Variants in LZIC observed in about 807,000 individuals in gnomAD.
The protein encoded by LZIC is leucine zipper and CTNNBIP1 domain containing.
In LZIC, 28 loss-of-function variants were observed where a neutral mutation model predicts 25.4. The ratio of observed to expected loss-of-function variants is 1.10; its 90% CI spans 0.82 to 1.51. LZIC has a LOEUF of 1.51. Among genes scored for constraint, LZIC ranks in the 40% most tolerant of loss-of-function variants. The pLI is 0.00. For missense variants in LZIC, 170 were observed against 211.1 expected (o/e 0.81, Z 1.21); for synonymous variants, 65 against 70.7 (o/e 0.92, Z 0.40).
intron 6 of LZIC, chr1:9,932,321 G>T (rs1570633961): frequency 5.8e-6 from 1 of 173,120 alleles, no homozygotes; most frequent in East Asian, 1.6e-4. Flanking sequence ...CTCCAGCCTG[G>T]ACAGCAAGGG....
At position 9,929,330 on chromosome 1, in the gene LZIC, T is replaced by C. The variant is rs1640116442; in HGVS notation, c.*1069A>G. On this transcript the variant is annotated 3_prime_UTR_variant, in exon 8 of 8. Transcript: ENST00000377223. ...GTATAAAGTGCAAAGAAAAAGAATA[T>C]TGAGAAGCACATGAAAGAATATAAA... is the stretch of plus-strand genomic sequence containing the variant. 3.0e-6 allele frequency: 3 copies of C among 984,894 alleles called. No individual in the cohort carries two copies. The highest frequency in any genetic ancestry group is 4.7e-5 in the South Asian group (1 of 21,282). The allele number at this position is 984,894 out of a possible 1,614,324, so 61.0% of individuals were successfully genotyped here.
chr1:9,933,254 CAAAAAAAAAAAA>C (rs60791463), intron 5 of LZIC, among the ~76,000 whole-genome samples: 4 of 43,374 alleles, frequency 9.2e-5, no homozygotes, highest in Non-Finnish European at 1.2e-4. Flanking sequence ...GACTCCACCA[CAAAAAAAAAAAA>C]AAAAAAAAAA....
rs535657417 is a variant in LZIC, at chr1:9,930,157, AAC to A, written c.*240_*241del. The stretch of plus-strand genomic sequence containing the variant: ...TCTCTTAAACAGACAAATCATAACG[AAC>A]AGAGTCCAGTGAGTCCCTCTGTCGC... On this transcript the variant is annotated 3_prime_UTR_variant, in exon 8 of 8. Transcript: ENST00000377223. 1 of 1,270,644 alleles carries A rather than the reference AAC, an allele frequency of 7.9e-7. No individual in the cohort carries two copies. Among genetic ancestry groups the A allele is most frequent in the Non-Finnish European group, 1.0e-6 (1 of 1,002,598 alleles). The allele number at this position is 1,270,644 out of a possible 1,614,324, so 78.7% of individuals were successfully genotyped here. A position where few individuals can be genotyped will look rare whatever the true frequency, so the allele number is the denominator to read the frequency against.
Position 9,937,001 on chromosome 1 carries a change from C to T in LZIC, c.-8-374G>A, listed in dbSNP as rs945774368. Among the ~76,000 whole-genome samples, 10 of 152,126 alleles carry T rather than the reference C, an allele frequency of 6.6e-5. No homozygotes were observed. The East Asian group carries it at 1.5e-3, about 24-fold the overall frequency. On this transcript the variant is annotated intron_variant, in intron 2 of 7. Transcript: ENST00000377223. Reference sequence around the variant, plus strand: ...AAAAAAGGCCGGATGTGGTGGCTCACGCCTGTAACCCCAGCACTTTTGGAA... The same window carrying T: ...AAAAAAGGCCGGATGTGGTGGCTCATGCCTGTAACCCCAGCACTTTTGGAA...
downstream of LZIC, among the ~76,000 whole-genome samples, chr1:9,926,222 T>C (rs1639979744): frequency 6.6e-6 from 1 of 152,106 alleles, no homozygotes; most frequent in Non-Finnish European, 1.5e-5. Flanking sequence ...GGAAAACATT[T>C]TGGAAGGCAA....
intron 5 of LZIC, 127 bp from the exon 6 acceptor site, chr1:9,933,025 C>T (rs894778168): frequency 4.2e-5 from 25 of 592,354 alleles, no homozygotes; most frequent in East Asian, 1.8e-4. Context: ...GATCACGAGG[C>T]GGGCGGATCA....
At chr1:9,931,744 C>T in intron 7 of LZIC, 147 bp downstream of exon 7, 1 of 524,858 alleles carries the variant, frequency 1.9e-6, no homozygotes, top group Non-Finnish European at 3.4e-6. Flanking sequence ...AAAACCAATA[C>T]AATGGATTTA....
chr1:9,923,523 T>C (rs1419825980), downstream of LZIC, among the ~76,000 whole-genome samples: 3 of 140,082 alleles, frequency 2.1e-5, no homozygotes, highest in African/African-American at 8.3e-5. Flanking sequence ...TGCTTCTTTT[T>C]TTTTTTTTTT....
Position 9,932,868 on chromosome 1 carries a change from C to A in LZIC, c.367G>T (p.Glu123Ter). The A allele has an allele frequency of 6.2e-7, 1 of 1,612,682 alleles. No homozygotes were observed. Among genetic ancestry groups the A allele is most frequent in the Non-Finnish European group, 8.5e-7 (1 of 1,178,936 alleles). The part of the protein sequence containing the change: ...MDRDLMVGKL[E>*]RDLYTQQKVE... ...TTCTGTTGAGTGTACAGGTCTCTTTCCAGCTTTCCTACCATCAGATCTCTA... is the reference window on the plus strand; with the variant it reads ...TTCTGTTGAGTGTACAGGTCTCTTTACAGCTTTCCTACCATCAGATCTCTA... Residue 123 changes from glutamate (E) to a stop codon, truncating the protein, a stop_gained, in exon 6 of 8, where the codon GAA becomes TAA. Transcript: ENST00000377223. LOFTEE classifies it high-confidence loss of function.
chr1:9,940,806 T>TTATA (rs1640691108), intron 2 of LZIC, among the ~76,000 whole-genome samples: 1 of 152,188 alleles, frequency 6.6e-6, no homozygotes, highest in African/African-American at 2.4e-5. Context: ...TAAACAAGTA[T>TTATA]TATACCCAGA....
chr1:9,939,373 CTTTTT>C (rs371491173), intron 2 of LZIC, among the ~76,000 whole-genome samples: 2 of 133,414 alleles, frequency 1.5e-5, no homozygotes, highest in African/African-American at 2.7e-5. Flanking sequence ...TTTTTTTTTT[CTTTTT>C]TTTTTGACAC....
At position 9,929,712 on chromosome 1, in the gene LZIC, G is replaced by A. The variant is rs1307032337; in HGVS notation, c.*687C>T. 3.0e-6 allele frequency: 3 copies of A among 985,290 alleles called. No homozygotes were observed. In the Admixed American group the frequency reaches 1.8e-4, roughly 61 times the overall value. 61.0% of individuals were successfully genotyped at this position (985,290 alleles called of 1,614,324 possible). ...ACAGACAGCTTACAGGCTGGGGGAT[G>A]GTCCCTTAGTGTGCAGTCCACTTTT... On this transcript the variant is annotated 3_prime_UTR_variant, in exon 8 of 8. Coordinates refer to ENST00000377223, the MANE Select transcript of LZIC (RefSeq NM_032368.5).
Position 9,942,926 on chromosome 1 carries a change from T to C in LZIC, c.-167-144A>G, listed in dbSNP as rs540393210. The C allele has an allele frequency of 6.6e-4, 233 of 354,640 alleles. 7 individuals carry two copies. Among genetic ancestry groups the C allele is most frequent in the South Asian group, 4.6e-3 (220 of 47,666 alleles). The allele number at this position is 354,640 out of a possible 1,614,324, so 22.0% of individuals were successfully genotyped here. A position where few individuals can be genotyped will look rare whatever the true frequency, so the allele number is the denominator to read the frequency against. On this transcript the variant is annotated intron_variant, in intron 1 of 7. Transcript: ENST00000377223. ...CCCTCGACTGCGCCTACCGCAGCCT[T>C]TCTGAGTTTCTTCCTAGCGAGGCCG...
rs533036184 is a variant in LZIC at position 9,927,459 on chromosome 1, G to A, written c.*2940C>T. 6.6e-6 allele frequency among the ~76,000 whole-genome samples: 1 copy of A among 150,872 alleles called. No individual in the cohort carries two copies. Among genetic ancestry groups the A allele is most frequent in the Non-Finnish European group, 1.5e-5 (1 of 67,778 alleles). On this transcript the variant is annotated 3_prime_UTR_variant, in exon 8 of 8. Coordinates refer to ENST00000377223, the MANE Select transcript of LZIC (RefSeq NM_032368.5). ...TGGGACCACAAGTGCATGCCATCAC[G>A]CCTGGCTAATTTTTTTTTTTTTTTT...
chr1:9,938,354 G>A (rs1640550464), intron 2 of LZIC, among the ~76,000 whole-genome samples: 1 of 152,010 alleles, frequency 6.6e-6, no homozygotes, highest in Non-Finnish European at 1.5e-5. Flanking sequence ...TTGTAGAGAT[G>A]GGGTCTCCCA....
chr1:9,930,026 G>A lies in LZIC; in HGVS notation c.*373C>T, dbSNP rs1445906328. The A allele has an allele frequency of 9.9e-7, 1 of 1,010,182 alleles. No individual in the cohort carries two copies. The allele number at this position is 1,010,182 out of a possible 1,614,324, so 62.6% of individuals were successfully genotyped here. A position where few individuals can be genotyped will look rare whatever the true frequency, so the allele number is the denominator to read the frequency against. On this transcript the variant is annotated 3_prime_UTR_variant, in exon 8 of 8. Coordinates refer to ENST00000377223, the MANE Select transcript of LZIC (RefSeq NM_032368.5). The stretch of plus-strand genomic sequence containing the variant: ...TGCGTCACTGTTCACTCCAATGAGT[G>A]GGGATAAGTTGTAAGCAGAAAAATA...
rs5772391 is a variant in LZIC at position 9,936,128 on chromosome 1, C to CA, written c.101+390dup. ...TGGGCAATACAGCAAGACTCTGTCT[C>CA]AAAAAAAAAAAAAAAAGCTGCAATG... On this transcript the variant is annotated intron_variant, in intron 3 of 7. Coordinates refer to ENST00000377223, the MANE Select transcript of LZIC (RefSeq NM_032368.5). Among the ~76,000 whole-genome samples the CA allele has an allele frequency of 2.2e-3, 286 of 131,946 alleles. 2 individuals are homozygous for CA. The highest frequency in any genetic ancestry group is 7.5e-3 in the African/African-American group (257 of 34,068). The allele number at this position is 131,946 out of a possible 152,430, so 86.6% of individuals were successfully genotyped here.
intron 2 of LZIC, among the ~76,000 whole-genome samples, chr1:9,941,618 G>T (rs1570657356): frequency 6.6e-6 from 1 of 151,494 alleles, no homozygotes; most frequent in Non-Finnish European, 1.5e-5. Flanking sequence ...TCCTGCCTCG[G>T]CCTCCCAAGT....
chr1:9,936,242 G>A (rs1346798930), intron 3 of LZIC, among the ~76,000 whole-genome samples: 3 of 152,144 alleles, frequency 2.0e-5, no homozygotes, highest in African/African-American at 7.2e-5. Context: ...AGGTAGGACT[G>A]ATTTAAATAC....
Sources: allele counts gnomAD v4.1 joint callset (sites outside exome capture counted in the v4.1 genomes callset), GRCh38; gene constraint gnomAD v4.1.1; transcripts MANE v1.5; gene names NCBI Gene and HGNC (gene_info 2026-07-23, HGNC 2026-07-21).